CBR4: variants seen among roughly 807,000 people sequenced by gnomAD.
The protein encoded by CBR4 is carbonyl reductase 4.
Under a neutral mutation model 21.0 loss-of-function variants are expected in CBR4, and 22 were observed. That is an observed-to-expected ratio of 1.05 (90% confidence interval 0.75 to 1.50). The LOEUF is 1.50. Ranked by LOEUF, CBR4 falls within the 40% of genes most tolerant of loss-of-function variation. The pLI is 0.00. For synonymous variants in CBR4, 100 were observed against 104.4 expected (o/e 0.96, Z 0.26); for missense variants, 302 against 286.3 (o/e 1.05, Z -0.40).
At chr4:168,934,803 G>C (rs1560951921) in intron 2 of CBR4, among the ~76,000 whole-genome samples, 1 of 152,120 alleles carries the variant, frequency 6.6e-6, no homozygotes, top group Non-Finnish European at 1.5e-5. Context: ...AAAAATTGAA[G>C]AGAAGGGAAT....
intron 2 of CBR4, among the ~76,000 whole-genome samples, chr4:168,922,003 C>T (rs945947779): frequency 1.3e-5 from 2 of 151,606 alleles, no homozygotes; most frequent in African/African-American, 4.8e-5. Flanking sequence ...TGTATAGTGG[C>T]CCCTAGTGTT....
chr4:168,913,918 T>C, intron 2 of CBR4: 1 of 1,586,878 alleles, frequency 6.3e-7, no homozygotes, highest in Non-Finnish European at 8.7e-7. Flanking sequence ...TTTCCTGATA[T>C]TTCTACAGGG....
chr4:168,941,896 G>A lies in CBR4; in HGVS notation n.170-47131C>T, dbSNP rs141144034. 8.5e-3 allele frequency among the ~76,000 whole-genome samples: 1,293 copies of A among 151,912 alleles called. 9 individuals carry two copies. The highest frequency in any genetic ancestry group is 0.012 in the Non-Finnish European group (839 of 67,908). ...AAGTGTCTGTTCATATCCTTCAAAG[G>A]ATTATAAATCATTCTACTATAAAGA... On this transcript the variant is annotated intron_variant and non_coding_transcript_variant, in intron 2 of 3. Coordinates refer to the CBR4 transcript ENST00000509108.
chr4:168,998,352 T>G (rs1286677236), intron 4 of CBR4, among the ~76,000 whole-genome samples: 1 of 152,192 alleles, frequency 6.6e-6, no homozygotes, highest in Admixed American at 6.5e-5. Flanking sequence ...GGCAACAGGT[T>G]AAATAAATTA....
chr4:168,908,704 A>AG (rs1758319481), intron 2 of CBR4, among the ~76,000 whole-genome samples: 1 of 152,176 alleles, frequency 6.6e-6, no homozygotes, highest in African/African-American at 2.4e-5. Flanking sequence ...AGTACACTGT[A>AG]GCCCAGATGA....
intron 2 of CBR4, among the ~76,000 whole-genome samples, chr4:168,929,391 T>C (rs1031275832): frequency 2.6e-5 from 4 of 152,208 alleles, no homozygotes; most frequent in African/African-American, 9.6e-5. Context: ...GAGGATACAT[T>C]TGAATTAGAC....
intron 3 of CBR4, chr4:169,005,356 A>T (rs1170464194): frequency 6.6e-6 from 1 of 152,490 alleles, no homozygotes; most frequent in Non-Finnish European, 1.5e-5. Flanking sequence ...AAGAAAAAAA[A>T]ACACAAGCTG....
At chr4:168,948,605 C>A (rs1021282225) in intron 2 of CBR4, among the ~76,000 whole-genome samples, 1 of 152,178 alleles carries the variant, frequency 6.6e-6, no homozygotes, top group East Asian at 1.9e-4. Context: ...TATCCCAGCA[C>A]CATTTGTTGA....
chr4:168,911,317 A>T (rs1177154657), intron 2 of CBR4, among the ~76,000 whole-genome samples: 1 of 152,218 alleles, frequency 6.6e-6, no homozygotes, highest in Non-Finnish European at 1.5e-5. Context: ...CTTACATTAT[A>T]TCTTTTTCTA....
At position 168,988,289 on chromosome 4, in the gene CBR4, G is replaced by C; in HGVS notation, c.*1861C>G. 1.0e-6 allele frequency: 1 copy of C among 985,016 alleles called. No homozygotes were observed. Among genetic ancestry groups the C allele is most frequent in the East Asian group, 1.1e-4 (1 of 8,820 alleles). The allele number at this position is 985,016 out of a possible 1,614,324, so 61.0% of individuals were successfully genotyped here. ...ATAGGCTGGGGGAGGAGGTGGAATA[G>C]CTTAAAAGGTTATATTTCTTATTTT... On this transcript the variant is annotated 3_prime_UTR_variant, in exon 5 of 5. Transcript: ENST00000306193.
At chr4:168,963,771 A>G (rs7668129) in intron 2 of CBR4, among the ~76,000 whole-genome samples, 103,199 of 151,954 alleles carry the variant, frequency 0.68, 36,808 homozygotes, top group East Asian at 0.96. Flanking sequence ...AACCTCCTGT[A>G]TAAACTATTA....
At position 168,921,670 on chromosome 4, in the gene CBR4, C is replaced by T. The variant is rs190961769; in HGVS notation, n.170-26905G>A. ...ATAGAGCCAGTCACGTCACGTGATG[C>T]CGGCATCTACACATGTATAGCTACC... On this transcript the variant is annotated intron_variant and non_coding_transcript_variant, in intron 2 of 3. Transcript: ENST00000509108. The T allele has an allele frequency of 6.2e-7, 1 of 1,611,192 alleles. No individual in the cohort carries two copies. The highest frequency in any genetic ancestry group is 1.7e-5 in the Admixed American group (1 of 59,778).
At chr4:169,007,944 A>T (rs192434289) in intron 1 of CBR4, among the ~76,000 whole-genome samples, 188 bp from the exon 2 acceptor site, 1 of 152,352 alleles carries the variant, frequency 6.6e-6, no homozygotes, top group East Asian at 1.9e-4. Context: ...GGGAACAAAG[A>T]GGAAATAAAG....
chr4:168,933,691 C>T (rs1560951313), intron 2 of CBR4, among the ~76,000 whole-genome samples: 2 of 152,102 alleles, frequency 1.3e-5, no homozygotes, highest in Non-Finnish European at 2.9e-5. Flanking sequence ...GAACATTTCA[C>T]CCAACAGCAA....
At chr4:168,974,874 A>G (rs1764322288) in intron 2 of CBR4, among the ~76,000 whole-genome samples, 1 of 152,072 alleles carries the variant, frequency 6.6e-6, no homozygotes, top group South Asian at 2.1e-4. Context: ...AGTAGCTTAA[A>G]TAATCAACCT....
At chr4:168,979,553 CGG>C (rs34941872) in intron 2 of CBR4, among the ~76,000 whole-genome samples, 104,828 of 151,868 alleles carry the variant, frequency 0.69, 37,546 homozygotes, top group East Asian at 0.96. Flanking sequence ...TCTGCCATTG[CGG>C]GGCTTCAGCG....
chr4:168,956,597 CAAAAAAAA>C (rs59962690), intron 2 of CBR4, among the ~76,000 whole-genome samples: 26 of 29,706 alleles, frequency 8.8e-4, no homozygotes, highest in African/African-American at 1.9e-3. Context: ...GACCCTGTCT[CAAAAAAAA>C]AAAAAAAAAA....
intron 4 of CBR4, among the ~76,000 whole-genome samples, chr4:168,994,961 T>C (rs1332414716): frequency 6.6e-6 from 1 of 152,012 alleles, no homozygotes; most frequent in Non-Finnish European, 1.5e-5. Flanking sequence ...ACCAGGTTGG[T>C]TGGGCTGGTC....
chr4:168,936,305 A>G (rs1369752069), intron 2 of CBR4, among the ~76,000 whole-genome samples: 2 of 152,238 alleles, frequency 1.3e-5, no homozygotes, highest in Admixed American at 6.5e-5. Context: ...CCAAAGGTAG[A>G]TAAATCCACG....
Sources: allele counts gnomAD v4.1 joint callset (sites outside exome capture counted in the v4.1 genomes callset), GRCh38; gene constraint gnomAD v4.1.1; transcripts MANE v1.5; gene names NCBI Gene and HGNC (gene_info 2026-07-23, HGNC 2026-07-21).